CLCN7: variants seen among roughly 807,000 people sequenced by gnomAD.
The protein encoded by CLCN7 is H(+)/Cl(-) exchange transporter 7.
CLCN7 carries 60 observed loss-of-function variants against 102.1 expected under a neutral mutation model. That is an observed-to-expected ratio of 0.59 (90% CI 0.48 to 0.73). The LOEUF is 0.73. Among genes scored for constraint, CLCN7 ranks in the 30% least tolerant of loss-of-function variants. CLCN7 has a pLI of 0.00. For missense variants in CLCN7, 962 were observed against 1,125.7 expected, an observed-to-expected ratio of 0.85 and a Z score of 2.08; for synonymous variants, 560 against 490.5, an observed-to-expected ratio of 1.14 and a Z score of -1.87.
intron 15 of CLCN7, 48 bp from the exon 16 acceptor site, chr16:1,451,764 G>A (rs1308823684): frequency 1.1e-5 from 17 of 1,510,394 alleles, no homozygotes; most frequent in Non-Finnish European, 1.6e-5. Context: ...ATGAGCTGGT[G>A]GGCTGCAGGC....
In CLCN7 at chr16:1,446,866, G is replaced by A. The variant is rs572178950; in HGVS notation, c.2331+140C>T. On this transcript the variant is annotated intron_variant, in intron 24 of 24. Coordinates refer to ENST00000382745, the MANE Select transcript of CLCN7 (RefSeq NM_001287.6). ...CGAGCTGAGCACGGGGCTGGGGAGG[G>A]GTGCAGCCATGGGGCATGGGCCGAC... The A allele has an allele frequency of 4.4e-5, 49 of 1,110,760 alleles. No individual in the cohort carries two copies. The African/African-American group carries it at 7.1e-4, about 16-fold the overall frequency. 68.8% of individuals were successfully genotyped at this position (1,110,760 alleles called of 1,614,324 possible). A position where few individuals can be genotyped will look rare whatever the true frequency, so the allele number is the denominator to read the frequency against.
At chr16:1,448,506 A>C in intron 20 of CLCN7, 22 bp from the exon 21 acceptor site, 7 of 1,606,880 alleles carry the variant, frequency 4.4e-6, no homozygotes, top group Non-Finnish European at 5.9e-6. Context: ...GCCCGGCCAC[A>C]CATGCCCGTC....
At chr16:1,467,396 G>A (rs2039019457) in intron 1 of CLCN7, among the ~76,000 whole-genome samples, 1 of 152,188 alleles carries the variant, frequency 6.6e-6, no homozygotes. Context: ...CACAGCTTGA[G>A]TCTCCTGCCA....
intron 19 of CLCN7, 70 bp downstream of exon 19, chr16:1,448,896 G>A: frequency 6.2e-7 from 1 of 1,604,402 alleles, no homozygotes; most frequent in Non-Finnish European, 8.5e-7. Context: ...GCTGTTTGGA[G>A]GCTCACAGGG....
intron 21 of CLCN7, 111 bp downstream of exon 21, chr16:1,448,244 G>C: frequency 7.0e-7 from 1 of 1,421,270 alleles, no homozygotes; most frequent in Non-Finnish European, 9.7e-7. Context: ...GGAACTGCCA[G>C]TGCACCCAAA....
chr16:1,461,883 G>A (rs1037197182), intron 2 of CLCN7, among the ~76,000 whole-genome samples: 5 of 151,558 alleles, frequency 3.3e-5, no homozygotes, highest in African/African-American at 4.8e-5. Flanking sequence ...TCAGGAGTTC[G>A]AGACCAGCCT....
At chr16:1,461,125 G>A (rs1032296505) in intron 4 of CLCN7, among the ~76,000 whole-genome samples, 177 bp from the exon 5 acceptor site, 4 of 152,250 alleles carry the variant, frequency 2.6e-5, no homozygotes, top group African/African-American at 4.8e-5. Flanking sequence ...CCCGGGGCCC[G>A]AGGGTGACTC....
At chr16:1,474,790 G>A (rs1300651902) in intron 1 of CLCN7, 44 bp downstream of exon 1, 5 of 1,263,900 alleles carry the variant, frequency 4.0e-6, no homozygotes, top group East Asian at 3.5e-5. Flanking sequence ...GCTGCGGGGC[G>A]CACGAGGGCT....
Position 1,450,733 on chromosome 16 carries a change from T to C in CLCN7, c.1448-67A>G, listed in dbSNP as rs1055168494. Reference sequence around the variant, plus strand: ...CCTCCGCAGGACTGCCCTGCCCCGCTGCCCAGTCTCGGGCCTCACAGTCAC... The same window carrying C: ...CCTCCGCAGGACTGCCCTGCCCCGCCGCCCAGTCTCGGGCCTCACAGTCAC... On this transcript the variant is annotated intron_variant, in intron 16 of 24. Transcript: ENST00000382745. 9.8e-6 allele frequency: 12 copies of C among 1,222,218 alleles called. 2 individuals carry two copies. The African/African-American group carries it at 2.2e-4, about 22-fold the overall frequency. 75.7% of individuals were successfully genotyped at this position (1,222,218 alleles called of 1,614,324 possible).
intron 10 of CLCN7, 61 bp from the exon 11 acceptor site, chr16:1,455,856 A>T: frequency 6.4e-7 from 1 of 1,562,632 alleles, no homozygotes; most frequent in South Asian, 1.1e-5. Flanking sequence ...CCCACCACCA[A>T]CTCCCTCCCC....
rs1245774520 is a variant in CLCN7 at position 1,460,841 on chromosome 16, G to A, written c.459C>T (p.Gly153=). 1 of 1,614,024 alleles carries A rather than the reference G, an allele frequency of 6.2e-7. No homozygotes were observed. Among genetic ancestry groups the A allele is most frequent in the Non-Finnish European group, 8.5e-7 (1 of 1,179,944 alleles). ...TGCCCTTGATGACCCTGTACTTGAGGCCAGCCAGGTTTTCCACCACGATGT... is the reference window on the plus strand; with the variant it reads ...TGCCCTTGATGACCCTGTACTTGAGACCAGCCAGGTTTTCCACCACGATGT... ...FIDIVVENLA[G]LKYRVIKGNI... The change falls in exon 5 of 25, where the codon GGC becomes GGT. Residue 153 remains glycine, a synonymous_variant. Coordinates refer to ENST00000382745, the MANE Select transcript of CLCN7 (RefSeq NM_001287.6).
chr16:1,451,871 C>A, intron 15 of CLCN7, 155 bp from the exon 16 acceptor site: 1 of 664,496 alleles, frequency 1.5e-6, no homozygotes, highest in South Asian at 1.6e-5. Flanking sequence ...GGGCCACGGT[C>A]ACAGAGGGCA....
intron 21 of CLCN7, 30 bp from the exon 22 acceptor site, chr16:1,447,744 G>A (rs745367578): frequency 1.5e-5 from 23 of 1,547,900 alleles, no homozygotes; most frequent in African/African-American, 5.5e-5. Context: ...TCAGGGCCAC[G>A]GGCCCGAGGG....
chr16:1,448,561 G>A lies in CLCN7; in HGVS notation c.1884-77C>T, dbSNP rs543067738. On this transcript the variant is annotated intron_variant, in intron 20 of 24. Transcript: ENST00000382745. Reference sequence around the variant, plus strand: ...AGTTACCTCTGCGGGCTGGTGAGGTGTGAAGCCGCTGGACAGGAAACGCGG... The same window carrying A: ...AGTTACCTCTGCGGGCTGGTGAGGTATGAAGCCGCTGGACAGGAAACGCGG... The A allele has an allele frequency of 1.3e-3, 2,013 of 1,601,532 alleles. 6 individuals are homozygous for A. The highest frequency in any genetic ancestry group is 1.6e-3 in the South Asian group (149 of 90,988).
chr16:1,447,868 C>G (rs1009656170), intron 21 of CLCN7, among the ~76,000 whole-genome samples, 154 bp from the exon 22 acceptor site: 3 of 152,218 alleles, frequency 2.0e-5, no homozygotes, highest in Non-Finnish European at 1.5e-5. Context: ...CCAGCCTCGC[C>G]ATGGCATCCC....
At chr16:1,461,327 G>C in intron 4 of CLCN7, 78 bp downstream of exon 4, 2 of 1,286,568 alleles carry the variant, frequency 1.6e-6, no homozygotes, top group Non-Finnish European at 2.2e-6. Context: ...ACCTCACCCC[G>C]GCAGAAGAGC....
intron 6 of CLCN7, chr16:1,459,555 G>A (rs2038899498): frequency 5.3e-6 from 1 of 187,138 alleles, no homozygotes; most frequent in Non-Finnish European, 1.0e-5. Flanking sequence ...CCAGGGAAGG[G>A]GAGAGCAGCA....
At chr16:1,456,995 C>G (rs139993290) in intron 9 of CLCN7, among the ~76,000 whole-genome samples, 1 of 152,230 alleles carries the variant, frequency 6.6e-6, no homozygotes, top group African/African-American at 2.4e-5. Context: ...TCTGAGAAGC[C>G]GCTTGGAGCC....
chr16:1,454,286 C>T, intron 13 of CLCN7, 125 bp downstream of exon 13: 1 of 944,900 alleles, frequency 1.1e-6, no homozygotes, highest in South Asian at 1.3e-5. Flanking sequence ...TCTGGAGGCC[C>T]CCGGGTGGCC....
Sources: gnomAD v4.1 joint callset for allele counts (sites outside exome capture counted in the v4.1 genomes callset) on GRCh38, gnomAD v4.1.1 for gene constraint, MANE v1.5 for transcripts, NCBI Gene and HGNC (gene_info 2026-07-23, HGNC 2026-07-21) for gene names.